Variants in RICTOR observed in about 807,000 individuals in gnomAD.
The protein encoded by RICTOR is RPTOR independent companion of MTOR complex 2, also known as rapamycin-insensitive companion of mTOR.
Under a neutral mutation model 214.9 loss-of-function variants are expected in RICTOR, and 49 were observed. That is an observed-to-expected ratio of 0.23 (90% CI 0.18 to 0.29). RICTOR has a LOEUF of 0.29. Among genes scored for constraint, RICTOR ranks in the 10% least tolerant of loss-of-function variants. The pLI is 1.00. For synonymous variants in RICTOR, 717 were observed against 711.3 expected, an observed-to-expected ratio of 1.01 and a Z score of -0.13; for missense variants, 1,625 against 2,047.0, an observed-to-expected ratio of 0.79 and a Z score of 3.98.
intron 7 of RICTOR, among the ~76,000 whole-genome samples, chr5:38,985,253 T>A (rs750725455): frequency 2.6e-5 from 4 of 152,238 alleles, no homozygotes; most frequent in African/African-American, 4.8e-5. Flanking sequence ...AGTATTTACA[T>A]ATAACCTATG....
At chr5:39,034,502 C>G (rs563677809) in intron 2 of RICTOR, among the ~76,000 whole-genome samples, 17 of 152,358 alleles carry the variant, frequency 1.1e-4, no homozygotes, top group Non-Finnish European at 1.8e-4. Flanking sequence ...GTGCATGAGC[C>G]AAAGCAGGGC....
chr5:39,041,292 G>A (rs1459660129), intron 2 of RICTOR, among the ~76,000 whole-genome samples: 1 of 152,178 alleles, frequency 6.6e-6, no homozygotes, highest in African/African-American at 2.4e-5. Context: ...TCAAGGAATA[G>A]CAAGAAATTC....
intron 2 of RICTOR, among the ~76,000 whole-genome samples, chr5:39,024,823 C>T (rs1021612314): frequency 1.3e-5 from 2 of 152,186 alleles, no homozygotes; most frequent in Non-Finnish European, 2.9e-5. Flanking sequence ...AAACTGATTG[C>T]AGACATTTTT....
chr5:39,010,726 T>G (rs866131953), intron 3 of RICTOR, among the ~76,000 whole-genome samples: 2 of 152,318 alleles, frequency 1.3e-5, no homozygotes, highest in Middle Eastern at 3.4e-3. Flanking sequence ...TAGAAATCTG[T>G]GGAACTCTGA....
chr5:39,032,407 T>C (rs544274138), intron 2 of RICTOR, among the ~76,000 whole-genome samples: 1 of 152,166 alleles, frequency 6.6e-6, no homozygotes, highest in Non-Finnish European at 1.5e-5. Flanking sequence ...CAATGGCAAG[T>C]CAATCAGTTT....
rs1030399724 is a variant in RICTOR, at chr5:38,944,638, T to C, written c.4790-69A>G. 3.7e-6 allele frequency: 5 copies of C among 1,369,664 alleles called. No homozygotes were observed. In the African/African-American group the frequency reaches 7.3e-5, roughly 20 times the overall value. 84.8% of individuals were successfully genotyped at this position (1,369,664 alleles called of 1,614,324 possible). On this transcript the variant is annotated intron_variant, in intron 35 of 37. Transcript: ENST00000357387. ...ATAAAATGATTAAAACTCATGAAAT[T>C]TATTTTTAAACTTCACCTAAAGACC...
intron 6 of RICTOR, among the ~76,000 whole-genome samples, chr5:38,994,502 T>C (rs548603525): frequency 2.8e-5 from 4 of 143,036 alleles, no homozygotes; most frequent in African/African-American, 7.8e-5. Context: ...CTCTGGCCGA[T>C]AGAGGCCACT....
rs1747443247 is a variant in RICTOR at position 38,940,495 on chromosome 5, CGTTCTTA to C, written c.*1802_*1808del. The C allele has an allele frequency of 4.3e-6, 1 of 232,370 alleles. No homozygotes were observed. The highest frequency in any genetic ancestry group is 8.5e-6 in the Non-Finnish European group (1 of 117,426). 14.4% of individuals were successfully genotyped at this position (232,370 alleles called of 1,614,324 possible). A position where few individuals can be genotyped will look rare whatever the true frequency, so the allele number is the denominator to read the frequency against. ...GACCAAAGACCACGATGACAGGCAA[CGTTCTTA>C]GAAGTACTGTTGACATTTAAATAAA... is the stretch of plus-strand genomic sequence containing the variant. On this transcript the variant is annotated 3_prime_UTR_variant, in exon 38 of 38. Coordinates refer to ENST00000357387, the MANE Select transcript of RICTOR (RefSeq NM_152756.5).
intron 4 of RICTOR, 44 bp from the exon 5 acceptor site, chr5:39,002,710 C>T: frequency 6.5e-7 from 1 of 1,548,916 alleles, no homozygotes; most frequent in African/African-American, 1.4e-5. Context: ...GCACAGGTTT[C>T]AAATACACAC....
In RICTOR at chr5:38,944,896, T is replaced by C. The variant is rs1748004535; in HGVS notation, c.4789+17A>G. On this transcript the variant is annotated intron_variant, in intron 35 of 37. Transcript: ENST00000357387. ...CAGTTTTACTAATAATGATTGGATTTGAATCTGAAGACTCACCTAGTAACA... is the reference window on the plus strand; with the variant it reads ...CAGTTTTACTAATAATGATTGGATTCGAATCTGAAGACTCACCTAGTAACA... 1.2e-6 allele frequency: 2 copies of C among 1,610,260 alleles called. No individual in the cohort carries two copies. Among genetic ancestry groups the C allele is most frequent in the Non-Finnish European group, 1.7e-6 (2 of 1,176,968 alleles).
intron 2 of RICTOR, among the ~76,000 whole-genome samples, chr5:39,037,487 T>C (rs1070245): frequency 6.6e-6 from 1 of 151,350 alleles, no homozygotes; most frequent in African/African-American, 2.4e-5. Flanking sequence ...CTGAAGGAAA[T>C]AGAGACACAA....
At chr5:39,014,170 A>C (rs1393232436) in intron 3 of RICTOR, among the ~76,000 whole-genome samples, 1 of 152,180 alleles carries the variant, frequency 6.6e-6, no homozygotes, top group Non-Finnish European at 1.5e-5. Flanking sequence ...TGTTCACAAA[A>C]TGATGAAATC....
intron 7 of RICTOR, among the ~76,000 whole-genome samples, chr5:38,984,719 A>G (rs1265918184): frequency 6.6e-6 from 1 of 152,086 alleles, no homozygotes; most frequent in East Asian, 1.9e-4. Flanking sequence ...AACCAACACC[A>G]TTCCTACTTC....
At chr5:39,069,696 T>G (rs1759166928) in intron 2 of RICTOR, among the ~76,000 whole-genome samples, 1 of 152,236 alleles carries the variant, frequency 6.6e-6, no homozygotes, top group Non-Finnish European at 1.5e-5. Context: ...TGACTTCATT[T>G]CTGTAGCCAA....
intron 3 of RICTOR, among the ~76,000 whole-genome samples, chr5:39,019,833 G>A (rs1310380593): frequency 6.6e-6 from 1 of 152,162 alleles, no homozygotes; most frequent in Non-Finnish European, 1.5e-5. Context: ...TGATTCCTCT[G>A]ATGGATCTGG....
rs534072229 is a variant in RICTOR, at chr5:38,994,506, G to A, written c.456+2313C>T. On this transcript the variant is annotated intron_variant, in intron 6 of 37. Coordinates refer to ENST00000357387, the MANE Select transcript of RICTOR (RefSeq NM_152756.5). ...AATTATAGTTTCTCTGGCCGATAGA[G>A]GCCACTGTTCGTTCAGCAAATGTGC... is the stretch of plus-strand genomic sequence containing the variant. 4.1e-5 allele frequency among the ~76,000 whole-genome samples: 6 copies of A among 146,460 alleles called. No homozygotes were observed. The East Asian group carries it at 8.1e-4, about 20-fold the overall frequency.
At chr5:39,008,391 T>TA (rs1468511543) in intron 3 of RICTOR, among the ~76,000 whole-genome samples, 1 of 152,076 alleles carries the variant, frequency 6.6e-6, no homozygotes, top group Non-Finnish European at 1.5e-5. Flanking sequence ...CTTCTGTAAA[T>TA]GAAAACAACT....
rs759204549 is a variant in RICTOR, at chr5:38,950,558, C to T, written c.3290G>A (p.Arg1097His). 1.4e-5 allele frequency: 22 copies of T among 1,612,966 alleles called. No homozygotes were observed. The highest frequency in any genetic ancestry group is 8.9e-5 in the East Asian group (4 of 44,844). ...AGGCAAAGTAAGCGAATTTAAGATA[C>T]GATTCTTCACAAGTTTACTAGAAGC... The part of the protein sequence containing the change: ...FFASSKLVKN[R>H]ILNSLTLPNK... Residue 1097 changes from arginine (R) to histidine (H), a missense_variant, in exon 31 of 38, where the codon CGT (arginine) becomes CAT (histidine). Coordinates refer to ENST00000357387, the MANE Select transcript of RICTOR (RefSeq NM_152756.5).
chr5:38,978,738 C>A, intron 8 of RICTOR, 88 bp from the exon 9 acceptor site: 1 of 632,148 alleles, frequency 1.6e-6, no homozygotes. Flanking sequence ...CCATTTCTCT[C>A]TATCTTTAAT....
Sources: allele counts gnomAD v4.1 joint callset (sites outside exome capture counted in the v4.1 genomes callset), GRCh38; gene constraint gnomAD v4.1.1; transcripts MANE v1.5; gene names NCBI Gene and HGNC (gene_info 2026-07-23, HGNC 2026-07-21).